MRTFB: variants seen among roughly 807,000 people sequenced by gnomAD.
The protein encoded by MRTFB is myocardin-related transcription factor B.
Under a neutral mutation model 104.2 loss-of-function variants are expected in MRTFB, and 29 were observed. The observed-to-expected ratio is 0.28, with a 90% CI of 0.21 to 0.38. MRTFB has a LOEUF of 0.38. MRTFB is among the 10% of genes least tolerant of loss of function. The pLI is 1.00. For synonymous variants in MRTFB, 535 were observed against 519.5 expected (o/e 1.03, Z -0.41); for missense variants, 1,270 against 1,341.6 (o/e 0.95, Z 0.83).
the MRTFB span, among the ~76,000 whole-genome samples, chr16:14,055,292 C>T: frequency 6.6e-6 from 1 of 152,150 alleles, no homozygotes; most frequent in Non-Finnish European, 1.5e-5. Context: ...CGGAGGTTTC[C>T]GTGAGCCGAG....
At chr16:14,116,621 C>T (rs1420288396) in intron 2 of MRTFB, among the ~76,000 whole-genome samples, 1 of 151,352 alleles carries the variant, frequency 6.6e-6, no homozygotes, top group East Asian at 1.9e-4. Context: ...ATTTCTCTAC[C>T]TTAGCACTAT....
Position 14,265,180 on chromosome 16 carries a change from A to T in MRTFB, c.*3736A>T, listed in dbSNP as rs1159768680. The stretch of plus-strand genomic sequence containing the variant: ...GGTGCCGCTGGGGACTTTTTAGAGA[A>T]ATGTAAAGAGAATAGCTATTCAGTG... On this transcript the variant is annotated 3_prime_UTR_variant, in exon 17 of 17. Coordinates refer to ENST00000571589, the MANE Select transcript of MRTFB (RefSeq NM_001308142.2). 1 of 152,164 alleles carries T rather than the reference A, an allele frequency of 6.6e-6. No homozygotes were observed. The highest frequency in any genetic ancestry group is 1.5e-5 in the Non-Finnish European group (1 of 68,044). 9.4% of individuals were successfully genotyped at this position (152,164 alleles called of 1,614,324 possible).
intron 3 of MRTFB, among the ~76,000 whole-genome samples, chr16:14,161,731 C>T (rs569491631): frequency 1.2e-4 from 19 of 152,190 alleles, no homozygotes; most frequent in Admixed American, 2.0e-4. Flanking sequence ...GACTTCTACA[C>T]GCCAGTATAA....
At chr16:14,214,766 G>GA (rs2041344460) in intron 6 of MRTFB, 1 of 152,196 alleles carries the variant, frequency 6.6e-6, no homozygotes, top group Non-Finnish European at 1.5e-5. Context: ...TCAATATTAA[G>GA]GATGTGGTAG....
At chr16:14,060,664 C>T in the MRTFB span, among the ~76,000 whole-genome samples, 14 of 152,206 alleles carry the variant, frequency 9.2e-5, no homozygotes, top group African/African-American at 3.1e-4. Flanking sequence ...AGATCTGGGC[C>T]TCATCCAAGG....
At chr16:14,244,736 C>T (rs756377456) in intron 10 of MRTFB, among the ~76,000 whole-genome samples, 1 of 146,242 alleles carries the variant, frequency 6.8e-6, no homozygotes, top group African/African-American at 2.8e-5. Flanking sequence ...CCCACTTTTC[C>T]ACTGGGTTTT....
At chr16:14,068,014 T>C (rs1375146779), upstream of MRTFB, among the ~76,000 whole-genome samples, 2 of 151,986 alleles carry the variant, frequency 1.3e-5, no homozygotes, top group Non-Finnish European at 2.9e-5. Flanking sequence ...GTATTTTTAG[T>C]AGAGATGGGG....
chr16:14,125,174 C>G (rs2037047816), intron 2 of MRTFB, among the ~76,000 whole-genome samples: 1 of 152,220 alleles, frequency 6.6e-6, no homozygotes, highest in Non-Finnish European at 1.5e-5. Flanking sequence ...GAGAAAGAGA[C>G]TGGAATGTTA....
chr16:14,128,050 A>G (rs961705152), intron 2 of MRTFB, among the ~76,000 whole-genome samples: 3 of 150,916 alleles, frequency 2.0e-5, no homozygotes, highest in African/African-American at 7.3e-5. Context: ...GGGTTTTGCA[A>G]AAGAGAAAAG....
chr16:14,211,986 C>A (rs188518900), intron 4 of MRTFB, among the ~76,000 whole-genome samples: 6 of 152,162 alleles, frequency 3.9e-5, no homozygotes, highest in Admixed American at 3.9e-4. Context: ...TACATCACTC[C>A]CAAGGACATA....
Position 14,263,564 on chromosome 16 carries a change from A to G in MRTFB, c.*2120A>G, listed in dbSNP as rs1275608509. On this transcript the variant is annotated 3_prime_UTR_variant, in exon 17 of 17. Coordinates refer to ENST00000571589, the MANE Select transcript of MRTFB (RefSeq NM_001308142.2). ...CACTAGTACCATTGACTCTCGTTGA[A>G]TAACTTTATATTTCCATAATCCTGA... The G allele has an allele frequency of 6.6e-6, 1 of 152,200 alleles. No individual in the cohort carries two copies. Among genetic ancestry groups the G allele is most frequent in the Non-Finnish European group, 1.5e-5 (1 of 68,040 alleles). 9.4% of individuals were successfully genotyped at this position (152,200 alleles called of 1,614,324 possible). A position where few individuals can be genotyped will look rare whatever the true frequency, so the allele number is the denominator to read the frequency against.
intron 2 of MRTFB, among the ~76,000 whole-genome samples, chr16:14,097,484 C>T (rs946586117): frequency 3.3e-5 from 5 of 152,098 alleles, no homozygotes; most frequent in African/African-American, 1.2e-4. Flanking sequence ...AATTGGTTTG[C>T]AATAGTGAAA....
chr16:14,203,141 A>G (rs1272266120), intron 3 of MRTFB, among the ~76,000 whole-genome samples: 2 of 151,194 alleles, frequency 1.3e-5, no homozygotes, highest in East Asian at 3.9e-4. Flanking sequence ...TTGACTGCTC[A>G]GGCTTTTTTT....
At chr16:14,078,385 G>A (rs2034193226) in intron 1 of MRTFB, among the ~76,000 whole-genome samples, 1 of 151,900 alleles carries the variant, frequency 6.6e-6, no homozygotes, top group Admixed American at 6.6e-5. Flanking sequence ...TTTCACTGAG[G>A]ACACTGTAAG....
chr16:14,228,068 T>TA (rs1247426192), intron 8 of MRTFB, among the ~76,000 whole-genome samples: 1 of 152,092 alleles, frequency 6.6e-6, no homozygotes, highest in Non-Finnish European at 1.5e-5. Flanking sequence ...AAGGAAATGC[T>TA]AATCAAAACC....
chr16:14,230,796 G>A (rs2042223246), intron 8 of MRTFB, among the ~76,000 whole-genome samples: 1 of 151,944 alleles, frequency 6.6e-6, no homozygotes, highest in African/African-American at 2.4e-5. Flanking sequence ...TATACCCAAA[G>A]GACTATAAAT....
intron 3 of MRTFB, among the ~76,000 whole-genome samples, chr16:14,171,139 C>T (rs1423040207): frequency 3.3e-5 from 5 of 152,222 alleles, no homozygotes; most frequent in Admixed American, 3.3e-4. Context: ...ATGTTCTAGG[C>T]TCAACTGGAG....
chr16:14,199,757 T>C (rs2040600187), intron 3 of MRTFB, among the ~76,000 whole-genome samples: 1 of 152,250 alleles, frequency 6.6e-6, no homozygotes, highest in African/African-American at 2.4e-5. Flanking sequence ...GAAAATTCTA[T>C]GAAATTTGGA....
the MRTFB span, among the ~76,000 whole-genome samples, chr16:14,029,354 C>T: frequency 6.3e-5 from 9 of 142,340 alleles, no homozygotes; most frequent in African/African-American, 2.1e-4. Context: ...TGTAGTGAGC[C>T]AAGATCGAGA....
Sources: gnomAD v4.1 joint callset for allele counts (sites outside exome capture counted in the v4.1 genomes callset) on GRCh38, gnomAD v4.1.1 for gene constraint, MANE v1.5 for transcripts, NCBI Gene and HGNC (gene_info 2026-07-23, HGNC 2026-07-21) for gene names.